Variants in CECR2 observed in about 807,000 individuals in gnomAD.
CECR2 encodes the protein CECR2 histone acetyl-lysine reader.
In CECR2, 30 loss-of-function variants were observed where a neutral mutation model predicts 154.5. That is an observed-to-expected ratio of 0.19 (90% CI 0.15 to 0.26). The LOEUF is 0.26. Among genes scored for constraint, CECR2 ranks in the 10% least tolerant of loss-of-function variants. The pLI is 1.00. For missense variants in CECR2, 1,743 were observed against 1,829.3 expected (o/e 0.95, Z 0.86); for synonymous variants, 725 against 683.7 (o/e 1.06, Z -0.94).
chr22:17,429,175 A>G (rs922714809), intron 1 of CECR2, among the ~76,000 whole-genome samples: 2 of 151,832 alleles, frequency 1.3e-5, no homozygotes, highest in Non-Finnish European at 2.9e-5. Context: ...TGGTGGGGGG[A>G]TGGTCTAGGG....
intron 7 of CECR2, among the ~76,000 whole-genome samples, chr22:17,506,168 C>G (rs2055841061): frequency 6.6e-6 from 1 of 151,844 alleles, no homozygotes. Context: ...AAGACAGGGT[C>G]TTGCTCTATT....
chr22:17,456,876 T>C (rs2054862105), intron 1 of CECR2, among the ~76,000 whole-genome samples: 1 of 152,268 alleles, frequency 6.6e-6, no homozygotes. Flanking sequence ...TCATGTGCAC[T>C]CTTCCATATT....
chr22:17,485,731 C>T (rs1231150718), intron 2 of CECR2, among the ~76,000 whole-genome samples: 1 of 152,156 alleles, frequency 6.6e-6, no homozygotes, highest in Non-Finnish European at 1.5e-5. Context: ...GATGGTGCCA[C>T]TGCACTCCAG....
At chr22:17,498,049 T>C (rs549963867) in intron 3 of CECR2, among the ~76,000 whole-genome samples, 120 of 152,356 alleles carry the variant, frequency 7.9e-4, no homozygotes, top group Non-Finnish European at 1.6e-3. Flanking sequence ...TGAAGGAAGC[T>C]GTGGCCATCT....
chr22:17,518,044 C>T (rs1202695633), intron 8 of CECR2, among the ~76,000 whole-genome samples: 2 of 152,152 alleles, frequency 1.3e-5, no homozygotes, highest in Non-Finnish European at 2.9e-5. Flanking sequence ...TCCTTGCCCT[C>T]ATATGCTTCT....
chr22:17,445,523 A>G (rs117622360), intron 1 of CECR2, among the ~76,000 whole-genome samples: 3,850 of 149,612 alleles, frequency 0.026, 66 homozygotes, highest in Non-Finnish European at 0.041. Context: ...CATATAACCT[A>G]TGCACATTCT....
intron 9 of CECR2, among the ~76,000 whole-genome samples, chr22:17,536,650 C>G (rs1255077732): frequency 6.6e-6 from 1 of 152,166 alleles, no homozygotes; most frequent in African/African-American, 2.4e-5. Flanking sequence ...CGTTTAAAAT[C>G]CTGTGTGTGT....
rs1569142192 is a variant in CECR2, at chr22:17,525,312, AAAAG to A, written c.1108+1046_1108+1049del. 2.7e-5 allele frequency among the ~76,000 whole-genome samples: 4 copies of A among 145,472 alleles called. 1 individual carries two copies. Among genetic ancestry groups the A allele is most frequent in the Admixed American group, 1.4e-4 (2 of 14,508 alleles). On this transcript the variant is annotated intron_variant, in intron 9 of 18. Transcript: ENST00000262608. ...AAAAAAAAAAAAAAAAAAAAAAAAA[AAAAG>A]AAAGGAAGGGAGGGAGGGAAAAGAA...
chr22:17,549,612 AT>A (rs2056675220), intron 17 of CECR2, 48 bp downstream of exon 17: 1 of 1,395,282 alleles, frequency 7.2e-7, no homozygotes, highest in South Asian at 1.4e-5. Context: ...ACAGATGTTT[AT>A]TTTATGTATT....
chr22:17,465,172 A>G (rs2055009109), intron 1 of CECR2, among the ~76,000 whole-genome samples: 1 of 150,770 alleles, frequency 6.6e-6, no homozygotes, highest in African/African-American at 2.4e-5. Context: ...AAGTTTTTGT[A>G]TTTTTAGTAA....
At chr22:17,478,480 C>T (rs2055248545) in intron 2 of CECR2, among the ~76,000 whole-genome samples, 1 of 151,302 alleles carries the variant, frequency 6.6e-6, no homozygotes, top group Non-Finnish European at 1.5e-5. Context: ...CTCAGCCTCT[C>T]GAGTAGCTGG....
At chr22:17,520,765 G>T (rs114478385) in intron 8 of CECR2, among the ~76,000 whole-genome samples, 2,585 of 152,088 alleles carry the variant, frequency 0.017, 78 homozygotes, top group African/African-American at 0.06. Context: ...GTCTTTTTGG[G>T]TTTTTTGGGC....
chr22:17,500,717 A>AAT lies in CECR2; in HGVS notation c.632_633insAT (p.Glu212TrpfsTer6), dbSNP rs1569124469. The stretch of plus-strand genomic sequence containing the variant: ...AGACCCCCAAAACGGAAGAAACTGC[A>AAT]GGAGGAGATTCTGTTGAGGTAAGAA... On this transcript the variant is annotated frameshift_variant, in exon 5 of 19. Transcript: ENST00000262608. LOFTEE classifies it high-confidence loss of function. 7.1e-6 allele frequency: 11 copies of AAT among 1,553,714 alleles called. No homozygotes were observed. The Admixed American group carries it at 2.1e-4, about 30-fold the overall frequency.
intron 2 of CECR2, among the ~76,000 whole-genome samples, chr22:17,489,363 G>A (rs961774614): frequency 6.6e-6 from 1 of 152,208 alleles, no homozygotes; most frequent in African/African-American, 2.4e-5. Context: ...GGTTATTCAT[G>A]TGCTTACCAT....
chr22:17,524,692 CTTTTTT>C (rs1188195849), intron 9 of CECR2, among the ~76,000 whole-genome samples: 2 of 44,306 alleles, frequency 4.5e-5, no homozygotes, highest in Admixed American at 6.3e-4. Flanking sequence ...ATGCCTGGCC[CTTTTTT>C]TTTTTTTTTT....
At chr22:17,395,859 G>T (rs1037291312) in intron 1 of CECR2, among the ~76,000 whole-genome samples, 53 of 151,186 alleles carry the variant, frequency 3.5e-4, no homozygotes, top group African/African-American at 1.2e-3. Context: ...TTATTGATTA[G>T]AAATAATTTA....
At position 17,538,742 on chromosome 22, in the gene CECR2, TC is replaced by T; in HGVS notation, c.1368+12del. Reference sequence around the variant, plus strand: ...TATCAGATTATTAAGGTAGAAGTTGTCTTTGCAGTAATGCCTACTATAGTGT... The same window carrying T: ...TATCAGATTATTAAGGTAGAAGTTGTTTTGCAGTAATGCCTACTATAGTGT... On this transcript the variant is annotated intron_variant, in intron 12 of 18. Coordinates refer to ENST00000262608, the MANE Select transcript of CECR2 (RefSeq NM_001290047.2). 1 of 1,605,732 alleles carries T rather than the reference TC, an allele frequency of 6.2e-7. No homozygotes were observed. The highest frequency in any genetic ancestry group is 8.5e-7 in the Non-Finnish European group (1 of 1,172,488).
intron 1 of CECR2, among the ~76,000 whole-genome samples, chr22:17,380,422 A>G (rs2063173544): frequency 6.6e-6 from 1 of 152,248 alleles, no homozygotes; most frequent in African/African-American, 2.4e-5. Context: ...GCCGGTTTAA[A>G]TGATGTCATA....
intron 1 of CECR2, among the ~76,000 whole-genome samples, chr22:17,436,456 C>T (rs2054509028): frequency 6.6e-6 from 1 of 152,182 alleles, no homozygotes; most frequent in African/African-American, 2.4e-5. Flanking sequence ...TTGTTCCCAC[C>T]TTTGACTTGT....
Sources: gnomAD v4.1 joint callset for allele counts (sites outside exome capture counted in the v4.1 genomes callset) on GRCh38, gnomAD v4.1.1 for gene constraint, MANE v1.5 for transcripts, NCBI Gene and HGNC (gene_info 2026-07-23, HGNC 2026-07-21) for gene names.